NR1D2: variants seen among roughly 807,000 people sequenced by gnomAD.
NR1D2 encodes the protein V-erbA-related protein 1-related.
A neutral mutation model predicts 52.2 loss-of-function variants in NR1D2; 25 were observed. That is an observed-to-expected ratio of 0.48 (90% CI 0.35 to 0.67). The LOEUF (loss-of-function observed/expected upper bound fraction) is 0.67, where lower values mean the gene tolerates loss of function less well. Ranked by LOEUF, NR1D2 falls within the 30% of genes least tolerant of loss-of-function variation. The pLI, the probability that NR1D2 is intolerant of heterozygous loss-of-function variation, is 0.01. For synonymous variants in NR1D2, 259 were observed against 230.1 expected, an observed-to-expected ratio of 1.13 and a Z score of -1.14; for missense variants, 681 against 707.2, an observed-to-expected ratio of 0.96 and a Z score of 0.42.
chr3:23,951,147 C>A (rs979759817), intron 1 of NR1D2, among the ~76,000 whole-genome samples: 4 of 152,036 alleles, frequency 2.6e-5, no homozygotes, highest in Non-Finnish European at 4.4e-5. Flanking sequence ...TCAGGTGATC[C>A]GCCTGCCTCG....
intron 7 of NR1D2, among the ~76,000 whole-genome samples, chr3:23,971,000 C>T (rs1420479509): frequency 3.9e-5 from 6 of 152,132 alleles, no homozygotes; most frequent in Admixed American, 2.0e-4. Flanking sequence ...AGGCTAGTCT[C>T]GAACTCCCAA....
At position 23,980,278 on chromosome 3, in the gene NR1D2, T is replaced by C. The variant is rs1054749056; in HGVS notation, c.*2859T>C. The C allele has an allele frequency of 6.6e-6, 1 of 152,186 alleles. No homozygotes were observed. The highest frequency in any genetic ancestry group is 2.4e-5 in the African/African-American group (1 of 41,454). 9.4% of individuals were successfully genotyped at this position (152,186 alleles called of 1,614,324 possible). On this transcript the variant is annotated 3_prime_UTR_variant, in exon 8 of 8. Transcript: ENST00000312521. ...ATACCTATCTCAATTATTCTTTTTC[T>C]TTTCCAATATAAAGTTTGCTGAATG...
Position 23,979,609 on chromosome 3 carries a change from T to A in NR1D2, c.*2190T>A, listed in dbSNP as rs982696275. ...ATTTGCATTTTGTCTTGTAAAATTTTATTTGAATAAATTCTTCCTGTAGGT... is the reference window on the plus strand; with the variant it reads ...ATTTGCATTTTGTCTTGTAAAATTTAATTTGAATAAATTCTTCCTGTAGGT... On this transcript the variant is annotated 3_prime_UTR_variant, in exon 8 of 8. Transcript: ENST00000312521. 2 of 152,142 alleles carry A rather than the reference T, an allele frequency of 1.3e-5. No homozygotes were observed. The highest frequency in any genetic ancestry group is 2.9e-5 in the Non-Finnish European group (2 of 67,946). 9.4% of individuals were successfully genotyped at this position (152,142 alleles called of 1,614,324 possible).
At position 23,964,357 on chromosome 3, in the gene NR1D2, G is replaced by A. The variant is rs528582184; in HGVS notation, c.1147-620G>A. Among the ~76,000 whole-genome samples the A allele has an allele frequency of 1.4e-3, 214 of 152,314 alleles. 1 individual carries two copies. The highest frequency in any genetic ancestry group is 6.8e-3 in the South Asian group (33 of 4,826). On this transcript the variant is annotated intron_variant, in intron 5 of 7. Coordinates refer to ENST00000312521, the MANE Select transcript of NR1D2 (RefSeq NM_005126.5). ...CTCCCAAAGTGCTGAGATTACAGGC[G>A]TGAGCCACTGCGCCCGGCCAGGCAG...
In NR1D2 at chr3:23,962,609, T is replaced by G; in HGVS notation, c.1146+4T>G. 6.4e-7 allele frequency: 1 copy of G among 1,573,388 alleles called. No homozygotes were observed. The highest frequency in any genetic ancestry group is 8.6e-7 in the Non-Finnish European group (1 of 1,157,150). Reference sequence around the variant, plus strand: ...CACTGGAGGAAGAATGCATCTGGTATAGTGAAATCGATTTTTTGCTTACAT... The same window carrying G: ...CACTGGAGGAAGAATGCATCTGGTAGAGTGAAATCGATTTTTTGCTTACAT... On this transcript the variant is annotated splice_donor_region_variant and intron_variant, in intron 5 of 7. Coordinates refer to ENST00000312521, the MANE Select transcript of NR1D2 (RefSeq NM_005126.5).
intron 1 of NR1D2, among the ~76,000 whole-genome samples, chr3:23,947,559 C>T (rs138630562): frequency 2.0e-5 from 3 of 152,148 alleles, no homozygotes; most frequent in Non-Finnish European, 4.4e-5. Flanking sequence ...AAATGAATTC[C>T]CTGGCAGGCT....
intron 6 of NR1D2, 129 bp from the exon 7 acceptor site, chr3:23,967,684 T>C: frequency 1.5e-6 from 1 of 656,972 alleles, no homozygotes. Context: ...AGTAAAAGTA[T>C]ACCCTGTTTT....
At chr3:23,976,777 G>A (rs1162047948) in intron 7 of NR1D2, among the ~76,000 whole-genome samples, 2 of 152,130 alleles carry the variant, frequency 1.3e-5, no homozygotes, top group Non-Finnish European at 2.9e-5. Flanking sequence ...GCAAGGGTGC[G>A]AATACCAGGA....
chr3:23,946,693 ATTC>A (rs1275422814), intron 1 of NR1D2: 1 of 152,206 alleles, frequency 6.6e-6, no homozygotes, highest in Non-Finnish European at 1.5e-5. Flanking sequence ...AAGACTGGAC[ATTC>A]TTCATTTAAA....
intron 1 of NR1D2, among the ~76,000 whole-genome samples, chr3:23,947,206 C>A (rs919025978): frequency 6.6e-6 from 1 of 152,178 alleles, no homozygotes; most frequent in Non-Finnish European, 1.5e-5. Flanking sequence ...CACCCTTTAG[C>A]ATGAATTCTA....
rs1361900629 is a variant in NR1D2 at position 23,945,604 on chromosome 3, G to T, written c.16+10G>T. The stretch of plus-strand genomic sequence containing the variant: ...ATGGAGGTGAATGCAGGTAAGAACC[G>T]GACTGCGGCGGGTGGGGGATGGCCG... On this transcript the variant is annotated intron_variant, in intron 1 of 7. Coordinates refer to ENST00000312521, the MANE Select transcript of NR1D2 (RefSeq NM_005126.5). The T allele has an allele frequency of 3.6e-5, 42 of 1,177,346 alleles. No individual in the cohort carries two copies. The highest frequency in any genetic ancestry group is 4.4e-5 in the Non-Finnish European group (42 of 945,696). The allele number at this position is 1,177,346 out of a possible 1,614,324, so 72.9% of individuals were successfully genotyped here.
intron 4 of NR1D2, among the ~76,000 whole-genome samples, chr3:23,960,144 C>G (rs1231129244): frequency 1.3e-5 from 2 of 152,064 alleles, no homozygotes; most frequent in African/African-American, 2.4e-5. Flanking sequence ...CATGGTGGCT[C>G]ACGCCCGTAA....
intron 2 of NR1D2, 116 bp from the exon 3 acceptor site, chr3:23,955,921 T>C: frequency 1.6e-6 from 1 of 640,212 alleles, no homozygotes; most frequent in East Asian, 2.5e-5. Context: ...ATTATGAAAG[T>C]AGATGTGTAT....
At chr3:23,951,314 A>G (rs113730632) in intron 1 of NR1D2, among the ~76,000 whole-genome samples, 5,317 of 152,300 alleles carry the variant, frequency 0.035, 148 homozygotes, top group Non-Finnish European at 0.054. Context: ...AAGGAAAAAC[A>G]TCACTTTCTT....
intron 3 of NR1D2, among the ~76,000 whole-genome samples, chr3:23,958,323 C>T (rs1399383977): frequency 6.6e-6 from 1 of 152,136 alleles, no homozygotes; most frequent in Non-Finnish European, 1.5e-5. Context: ...TTATAGCTAT[C>T]AAACATATTT....
rs1159638891 is a variant in NR1D2 at position 23,962,278 on chromosome 3, A to G, written c.819A>G (p.Glu273=). 1 of 1,614,136 alleles carries G rather than the reference A, an allele frequency of 6.2e-7. No individual in the cohort carries two copies. The highest frequency in any genetic ancestry group is 2.2e-5 in the East Asian group (1 of 44,904). The change falls in exon 5 of 8, where the codon GAA becomes GAG. Residue 273 remains glutamate (E), a synonymous_variant. Coordinates refer to ENST00000312521, the MANE Select transcript of NR1D2 (RefSeq NM_005126.5). The part of the protein sequence containing the change: ...DTFMYNQEQQ[E]NSAESMQPQR... ...TTATGTATAATCAAGAGCAGCAAGA[A>G]AACTCAGCTGAGAGCATGCAGCCCC...
intron 7 of NR1D2, among the ~76,000 whole-genome samples, chr3:23,973,022 T>A (rs992641457): frequency 1.2e-4 from 19 of 152,206 alleles, no homozygotes; most frequent in South Asian, 2.1e-4. Flanking sequence ...CAAACATTTT[T>A]AAATTTTTTG....
chr3:23,947,828 C>T (rs1003813432), intron 1 of NR1D2, among the ~76,000 whole-genome samples: 1 of 152,244 alleles, frequency 6.6e-6, no homozygotes, highest in African/African-American at 2.4e-5. Context: ...TAAGAATTGC[C>T]TTAAACTGGC....
Position 23,962,136 on chromosome 3 carries a change from A to G in NR1D2, c.677A>G (p.Gln226Arg). Reference protein sequence around the residue: ...HEQTALPAQEQLRPKPQLEQE... With the variant: ...HEQTALPAQERLRPKPQLEQE... ...CAGACAGCCTTGCCAGCCCAGGAAC[A>G]GCTGCGACCCAAGCCCCAACTGGAG... is the stretch of plus-strand genomic sequence containing the variant. The change falls in exon 5 of 8, where the codon CAG (glutamine) becomes CGG (arginine). Residue 226 changes from glutamine (Q) to arginine (R), a missense_variant. By Grantham distance (43) the Gln-to-Arg change is conservative. Transcript: ENST00000312521. 1 of 1,614,224 alleles carries G rather than the reference A, an allele frequency of 6.2e-7. No homozygotes were observed. Among genetic ancestry groups the G allele is most frequent in the African/African-American group, 1.3e-5 (1 of 75,050 alleles).
Sources: allele counts gnomAD v4.1 joint callset (sites outside exome capture counted in the v4.1 genomes callset), GRCh38; gene constraint gnomAD v4.1.1; transcripts MANE v1.5; gene names NCBI Gene and HGNC (gene_info 2026-07-23, HGNC 2026-07-21).